Variants in ZMPSTE24 observed in about 807,000 individuals in gnomAD.
The protein encoded by ZMPSTE24 is CAAX prenyl protease 1 homolog.
ZMPSTE24 carries 48 observed loss-of-function variants against 56.7 expected under a neutral mutation model. The observed-to-expected ratio is 0.85, with a 90% CI of 0.67 to 1.08. The LOEUF (loss-of-function observed/expected upper bound fraction) is 1.08, where lower values mean the gene tolerates loss of function less well. Among genes scored for constraint, ZMPSTE24 ranks in the 50% least tolerant of loss-of-function variants. The pLI is 0.00. For synonymous variants in ZMPSTE24, 172 were observed against 195.2 expected, an observed-to-expected ratio of 0.88 and a Z score of 0.99; for missense variants, 503 against 548.7, an observed-to-expected ratio of 0.92 and a Z score of 0.83.
intron 1 of ZMPSTE24, 68 bp from the exon 2 acceptor site, chr1:40,260,771 G>T: frequency 1.3e-6 from 2 of 1,536,792 alleles, no homozygotes; most frequent in Non-Finnish European, 1.8e-6. Context: ...ACCATTCGAT[G>T]TTTGATCATA....
chr1:40,267,891 T>C lies in ZMPSTE24; in HGVS notation c.357+19T>C, dbSNP rs1174861490. 8 of 1,599,120 alleles carry C rather than the reference T, an allele frequency of 5.0e-6. No individual in the cohort carries two copies. The highest frequency in any genetic ancestry group is 1.7e-5 in the Admixed American group (1 of 60,000). ...ATATGAGGTATGTGATTCATTAGCA[T>C]GTATTTGTCATGGTATTTCTTTTAG... On this transcript the variant is annotated intron_variant, in intron 3 of 9. Transcript: ENST00000372759.
intron 8 of ZMPSTE24, among the ~76,000 whole-genome samples, chr1:40,289,047 T>C (rs891092760): frequency 2.0e-5 from 3 of 152,188 alleles, no homozygotes; most frequent in African/African-American, 7.2e-5. Context: ...TGTATTAAGT[T>C]ATTGTAAAAT....
At chr1:40,267,201 A>G (rs1227795974) in intron 2 of ZMPSTE24, among the ~76,000 whole-genome samples, 1 of 152,136 alleles carries the variant, frequency 6.6e-6, no homozygotes, top group Non-Finnish European at 1.5e-5. Flanking sequence ...CAATTCATCC[A>G]TATATAGTGT....
rs368991456 is a variant in ZMPSTE24, at chr1:40,282,212, C to G, written c.954+685C>G. Among the ~76,000 whole-genome samples, 12 of 152,302 alleles carry G rather than the reference C, an allele frequency of 7.9e-5. 1 individual carries two copies. The highest frequency in any genetic ancestry group is 3.9e-4 in the East Asian group (2 of 5,178). Reference sequence around the variant, plus strand: ...AAGCTTTAGATTCTAGATATAGTAACTGGAGCACAAGAAAAGACATTTCTC... The same window carrying G: ...AAGCTTTAGATTCTAGATATAGTAAGTGGAGCACAAGAAAAGACATTTCTC... On this transcript the variant is annotated intron_variant, in intron 7 of 9. Coordinates refer to ENST00000372759, the MANE Select transcript of ZMPSTE24 (RefSeq NM_005857.5).
At chr1:40,269,911 A>T (rs534723160) in intron 4 of ZMPSTE24, 64 bp from the exon 5 acceptor site, 10 of 1,549,478 alleles carry the variant, frequency 6.5e-6, no homozygotes, top group Non-Finnish European at 8.7e-6. Context: ...GTATTTATTT[A>T]TCAGTTATTT....
At chr1:40,266,065 C>T (rs1643545589) in intron 2 of ZMPSTE24, among the ~76,000 whole-genome samples, 1 of 151,996 alleles carries the variant, frequency 6.6e-6, no homozygotes, top group African/African-American at 2.4e-5. Context: ...ATGGATGGAT[C>T]TAAGAAAATT....
chr1:40,269,943 CA>C (rs1328276056), intron 4 of ZMPSTE24, 31 bp from the exon 5 acceptor site: 2 of 1,584,074 alleles, frequency 1.3e-6, no homozygotes, highest in Non-Finnish European at 1.7e-6. Context: ...ACCAGTTTCT[CA>C]GTTTCTTGTG....
At chr1:40,287,430 C>A (rs1432686719) in intron 8 of ZMPSTE24, among the ~76,000 whole-genome samples, 1 of 151,676 alleles carries the variant, frequency 6.6e-6, no homozygotes, top group Non-Finnish European at 1.5e-5. Context: ...GTAATCCCGG[C>A]ACTTTGGGAA....
At chr1:40,290,356 C>T (rs367699291) in intron 8 of ZMPSTE24, among the ~76,000 whole-genome samples, 1 of 150,474 alleles carries the variant, frequency 6.6e-6, no homozygotes, top group Non-Finnish European at 1.5e-5. Context: ...CTGAGCTCCA[C>T]CCTGGGCGAC....
In ZMPSTE24 at chr1:40,292,491, A is replaced by G; in HGVS notation, c.1250A>G (p.Gln417Arg). 2 of 1,614,086 alleles carry G rather than the reference A, an allele frequency of 1.2e-6. No homozygotes were observed. Among genetic ancestry groups the G allele is most frequent in the Non-Finnish European group, 8.5e-7 (1 of 1,179,994 alleles). ...GTCCTAAGCCGCAGATTTGAGTTTCAAGCTGATGCATTTGCCAAGAAACTT... is the reference window on the plus strand; with the variant it reads ...GTCCTAAGCCGCAGATTTGAGTTTCGAGCTGATGCATTTGCCAAGAAACTT... ...LTVLSRRFEF[Q>R]ADAFAKKLGK... is the part of the protein sequence containing the mutation. The change falls in exon 10 of 10, where the codon CAA becomes CGA. Residue 417 changes from glutamine (Q) to arginine (R), a missense_variant. Coordinates refer to ENST00000372759, the MANE Select transcript of ZMPSTE24 (RefSeq NM_005857.5).
chr1:40,258,601 A>T (rs999406939), intron 1 of ZMPSTE24, among the ~76,000 whole-genome samples: 9 of 152,082 alleles, frequency 5.9e-5, no homozygotes, highest in South Asian at 2.1e-4. Flanking sequence ...TAACGTTATC[A>T]TGGGACCCAA....
At chr1:40,278,751 A>G (rs1569646013) in intron 6 of ZMPSTE24, among the ~76,000 whole-genome samples, 1 of 152,184 alleles carries the variant, frequency 6.6e-6, no homozygotes, top group South Asian at 2.1e-4. Context: ...CTTAATCACT[A>G]TACTCAACTC....
chr1:40,290,750 C>G, intron 8 of ZMPSTE24, 104 bp from the exon 9 acceptor site: 2 of 1,436,998 alleles, frequency 1.4e-6, no homozygotes, highest in Admixed American at 3.6e-5. Context: ...GCGTGAGCCA[C>G]CGCGCCCGGC....
rs879600093 is a variant in ZMPSTE24, at chr1:40,281,525, A to C, written c.952A>C (p.Lys318Gln). The change falls in exon 7 of 10, where the codon AAA becomes CAA. Residue 318 changes from lysine (K) to glutamine (Q), a missense_variant and splice_region_variant. By Grantham distance (53) the Lys-to-Gln change is moderately conservative. Transcript: ENST00000372759. Reference protein sequence around the residue: ...GNSEEIKAKVKNKKQGCKNEE... With the variant: ...GNSEEIKAKVQNKKQGCKNEE... Reference sequence around the variant, plus strand: ...CAGTGAAGAAATAAAAGCTAAAGTTAAAGTGAGTTATTTTTTCCTAAGAGA... The same window carrying C: ...CAGTGAAGAAATAAAAGCTAAAGTTCAAGTGAGTTATTTTTTCCTAAGAGA... 2.1e-5 allele frequency: 34 copies of C among 1,613,842 alleles called. No homozygotes were observed. Among genetic ancestry groups the C allele is most frequent in the Non-Finnish European group, 2.9e-5 (34 of 1,179,826 alleles).
chr1:40,258,399 G>C lies in ZMPSTE24; in HGVS notation c.123+5G>C. 6.2e-7 allele frequency: 1 copy of C among 1,614,006 alleles called. No homozygotes were observed. Among genetic ancestry groups the C allele is most frequent in the South Asian group, 1.1e-5 (1 of 91,082 alleles). On this transcript the variant is annotated splice_donor_5th_base_variant and intron_variant, in intron 1 of 9. Transcript: ENST00000372759. ...ACCTTCCTAGCACAGCGGCAGGTGA[G>C]CCTAGACAGGGTCCAACCTGACCCC... is the stretch of plus-strand genomic sequence containing the variant.
intron 6 of ZMPSTE24, among the ~76,000 whole-genome samples, chr1:40,276,304 A>T (rs1260900594): frequency 6.6e-6 from 1 of 152,180 alleles, no homozygotes; most frequent in Non-Finnish European, 1.5e-5. Context: ...TATCTGGCAC[A>T]TAGATGGTGT....
At chr1:40,279,535 A>G (rs1643706236) in intron 6 of ZMPSTE24, among the ~76,000 whole-genome samples, 1 of 152,252 alleles carries the variant, frequency 6.6e-6, no homozygotes, top group Non-Finnish European at 1.5e-5. Context: ...CATTTTCTGC[A>G]TCCAGCTAGT....
At chr1:40,267,445 G>A (rs963918749) in intron 2 of ZMPSTE24, among the ~76,000 whole-genome samples, 4 of 150,994 alleles carry the variant, frequency 2.6e-5, no homozygotes, top group Non-Finnish European at 4.4e-5. Flanking sequence ...GCTCACTGGA[G>A]CCTTGACTTC....
At position 40,277,884 on chromosome 1, in the gene ZMPSTE24, G is replaced by A. The variant is rs187795849; in HGVS notation, c.770-3459G>A. Among the ~76,000 whole-genome samples, 244 of 148,322 alleles carry A rather than the reference G, an allele frequency of 1.6e-3. 1 individual carries two copies. Among genetic ancestry groups the A allele is most frequent in the African/African-American group, 5.8e-3 (232 of 39,870 alleles). On this transcript the variant is annotated intron_variant, in intron 6 of 9. Transcript: ENST00000372759. ...CCCAGGAGGTTGAGGCAGGAGAATC[G>A]CTGGAACCCGGGAGGCGGAGGCTGC...
Sources: gnomAD v4.1 joint callset for allele counts (sites outside exome capture counted in the v4.1 genomes callset) on GRCh38, gnomAD v4.1.1 for gene constraint, MANE v1.5 for transcripts, NCBI Gene and HGNC (gene_info 2026-07-23, HGNC 2026-07-21) for gene names.